Variants in NOS1 observed in about 807,000 individuals in gnomAD.
NOS1 encodes the protein nitric oxide synthase 1.
Under a neutral mutation model 164.5 loss-of-function variants are expected in NOS1, and 51 were observed. The observed-to-expected ratio is 0.31, with a 90% CI of 0.25 to 0.39. NOS1 has a LOEUF of 0.39. Ranked by LOEUF, NOS1 falls within the 10% of genes least tolerant of loss-of-function variation. The pLI, the probability that NOS1 is intolerant of heterozygous loss-of-function variation, is 1.00. For missense variants in NOS1, 1,362 were observed against 1,885.6 expected (o/e 0.72, Z 5.14); for synonymous variants, 719 against 745.8 (o/e 0.96, Z 0.59).
At chr12:117,229,905 T>C (rs1869062660) in intron 22 of NOS1, among the ~76,000 whole-genome samples, 1 of 151,544 alleles carries the variant, frequency 6.6e-6, no homozygotes, top group Non-Finnish European at 1.5e-5. Flanking sequence ...TTTATAGAGA[T>C]GGGGTCTTGC....
intron 7 of NOS1, among the ~76,000 whole-genome samples, chr12:117,283,690 T>C (rs1873870355): frequency 6.6e-6 from 1 of 151,902 alleles, no homozygotes; most frequent in African/African-American, 2.4e-5. Flanking sequence ...ACCCTGTCTC[T>C]ACTAAAAATA....
chr12:117,275,653 G>A (rs1335792392), intron 9 of NOS1, among the ~76,000 whole-genome samples: 1 of 152,096 alleles, frequency 6.6e-6, no homozygotes, highest in East Asian at 1.9e-4. Context: ...GATAGTGAAT[G>A]TTTCCAATAC....
rs768921330 is a variant in NOS1 at position 117,268,016 on chromosome 12, C to T, written c.1941+27G>A. 3.1e-5 allele frequency: 47 copies of T among 1,511,030 alleles called. 1 individual carries two copies. In the South Asian group the frequency reaches 3.9e-4, roughly 12 times the overall value. 93.6% of individuals were successfully genotyped at this position (1,511,030 alleles called of 1,614,324 possible). On this transcript the variant is annotated intron_variant, in intron 11 of 28. Coordinates refer to ENST00000317775, the MANE Select transcript of NOS1 (RefSeq NM_000620.5). ...GTTTGAACTCTCATTTGAAGCTTGA[C>T]CCTGGTGGTGCGGGCCCTGGTGTTA...
rs1875453624 is a variant in NOS1 at position 117,330,114 on chromosome 12, C to T, written c.725+231G>A. Among the ~76,000 whole-genome samples, 1 of 152,182 alleles carries T rather than the reference C, an allele frequency of 6.6e-6. No homozygotes were observed. ...CTGCTACCATGATGATTAATTCGCTCTGGGTTTTGTGACAAGAGAAGCATC... is the reference window on the plus strand; with the variant it reads ...CTGCTACCATGATGATTAATTCGCTTTGGGTTTTGTGACAAGAGAAGCATC... On this transcript the variant is annotated intron_variant, in intron 2 of 28. Coordinates refer to ENST00000317775, the MANE Select transcript of NOS1 (RefSeq NM_000620.5). The surrounding 1 kb of genome is among the most constrained non-coding windows in gnomAD (Gnocchi z 4.6).
intron 13 of NOS1, among the ~76,000 whole-genome samples, chr12:117,262,064 C>T (rs1193126266): frequency 1.3e-5 from 2 of 152,148 alleles, no homozygotes; most frequent in Non-Finnish European, 2.9e-5. Context: ...CTGGGATTAT[C>T]GGCGTTAAGT....
At chr12:117,360,791 A>C (rs1354254105) in intron 1 of NOS1, among the ~76,000 whole-genome samples, 1 of 152,184 alleles carries the variant, frequency 6.6e-6, no homozygotes. Flanking sequence ...GGGCAGGTAC[A>C]ACGGTCCCCA....
chr12:117,308,240 A>T (rs1479742707), intron 3 of NOS1, among the ~76,000 whole-genome samples: 2 of 150,790 alleles, frequency 1.3e-5, no homozygotes, highest in Non-Finnish European at 3.0e-5. Flanking sequence ...GGCTGCAGTG[A>T]CTCACACCTA....
At chr12:117,298,462 C>G (rs966410082) in intron 3 of NOS1, among the ~76,000 whole-genome samples, 114 of 152,242 alleles carry the variant, frequency 7.5e-4, no homozygotes, top group African/African-American at 2.7e-3. Context: ...GTTTGGGGAC[C>G]CCTGTATTAT....
Position 117,220,159 on chromosome 12 carries a change from A to G in NOS1, c.4086T>C (p.Asp1362=). Residue 1362 remains aspartate, a synonymous_variant, in exon 27 of 29, where the codon GAT becomes GAC. Transcript: ENST00000317775. ...TGATGCGCTGGATGGCTTTGAGGACATCAGCAGCCATGGTGACGTCCCCAC... is the reference window on the plus strand; with the variant it reads ...TGATGCGCTGGATGGCTTTGAGGACGTCAGCAGCCATGGTGACGTCCCCAC... ...YVCGDVTMAA[D]VLKAIQRIMT... The G allele has an allele frequency of 6.2e-7, 1 of 1,614,038 alleles. No homozygotes were observed. The highest frequency in any genetic ancestry group is 1.3e-5 in the African/African-American group (1 of 75,048).
At chr12:117,298,494 C>A (rs1873580088) in intron 3 of NOS1, among the ~76,000 whole-genome samples, 1 of 152,164 alleles carries the variant, frequency 6.6e-6, no homozygotes, top group South Asian at 2.1e-4. Context: ...TGTCCTCCCT[C>A]CCCATCCCCA....
chr12:117,212,028 T>C lies in NOS1; in HGVS notation c.*3281A>G, dbSNP rs754483693. On this transcript the variant is annotated 3_prime_UTR_variant, in exon 29 of 29. Transcript: ENST00000317775. ...ATGCAGTGAGCTGAGATCGTACCAC[T>C]GTACGCCAGCCTGGGTGACAGAGCA... 13 of 890,536 alleles carry C rather than the reference T, an allele frequency of 1.5e-5. No homozygotes were observed. Among genetic ancestry groups the C allele is most frequent in the African/African-American group, 1.8e-5 (1 of 55,164 alleles). 55.2% of individuals were successfully genotyped at this position (890,536 alleles called of 1,614,324 possible). A position where few individuals can be genotyped will look rare whatever the true frequency, so the allele number is the denominator to read the frequency against.
chr12:117,246,998 A>G (rs1870665437), intron 18 of NOS1, among the ~76,000 whole-genome samples: 1 of 152,166 alleles, frequency 6.6e-6, no homozygotes, highest in African/African-American at 2.4e-5. Context: ...TAGACTGCCA[A>G]GATGTTAGGT....
Position 117,211,403 on chromosome 12 carries a change from C to G in NOS1, c.*3906G>C. The G allele has an allele frequency of 3.0e-6, 3 of 985,522 alleles. No homozygotes were observed. The highest frequency in any genetic ancestry group is 3.6e-6 in the Non-Finnish European group (3 of 830,016). 61.0% of individuals were successfully genotyped at this position (985,522 alleles called of 1,614,324 possible). ...TTGGTTGCAGCAATAACCCCCCCAACAGCTCAACGGGCCATGCTCTGTACT... is the reference window on the plus strand; with the variant it reads ...TTGGTTGCAGCAATAACCCCCCCAAGAGCTCAACGGGCCATGCTCTGTACT... On this transcript the variant is annotated 3_prime_UTR_variant, in exon 29 of 29. Transcript: ENST00000317775.
Position 117,209,041 on chromosome 12 carries a change from G to A in NOS1, c.*6268C>T, listed in dbSNP as rs1381629210. On this transcript the variant is annotated 3_prime_UTR_variant, in exon 29 of 29. Coordinates refer to ENST00000317775, the MANE Select transcript of NOS1 (RefSeq NM_000620.5). ...CCTGGCCTGGGAGGGGTTTTTGAAA[G>A]CATACTGCCCTCCCCATGCCCCCTC... is the stretch of plus-strand genomic sequence containing the variant. 8 of 985,144 alleles carry A rather than the reference G, an allele frequency of 8.1e-6. No individual in the cohort carries two copies. The highest frequency in any genetic ancestry group is 9.6e-6 in the Non-Finnish European group (8 of 829,914). The allele number at this position is 985,144 out of a possible 1,614,324, so 61.0% of individuals were successfully genotyped here.
intron 16 of NOS1, chr12:117,256,004 T>C (rs1254873591): frequency 1.4e-6 from 2 of 1,468,260 alleles, no homozygotes; most frequent in Non-Finnish European, 9.0e-7. Flanking sequence ...GGGGAGGCCC[T>C]TTACGGGGAA....
At chr12:117,302,985 A>T (rs1427115777) in intron 3 of NOS1, among the ~76,000 whole-genome samples, 1 of 152,108 alleles carries the variant, frequency 6.6e-6, no homozygotes, top group Non-Finnish European at 1.5e-5. Flanking sequence ...ATCTCAAGTG[A>T]TCCACCCTCA....
At position 117,243,857 on chromosome 12, in the gene NOS1, C is replaced by T. The variant is rs762382083; in HGVS notation, c.2824-422G>A. On this transcript the variant is annotated intron_variant, in intron 18 of 28. Coordinates refer to ENST00000317775, the MANE Select transcript of NOS1 (RefSeq NM_000620.5). This position sits in a 1 kb window ranked among gnomAD's most constrained non-coding sequence, Gnocchi z 4.3. ...CTTTCCATGCATCCATCCTTCCATCCATCTACCCACCCACCCACCTATCCA... is the reference window on the plus strand; with the variant it reads ...CTTTCCATGCATCCATCCTTCCATCTATCTACCCACCCACCCACCTATCCA... Among the ~76,000 whole-genome samples the T allele has an allele frequency of 8.5e-5, 13 of 152,060 alleles. No individual in the cohort carries two copies. Among genetic ancestry groups the T allele is most frequent in the Non-Finnish European group, 1.6e-4 (11 of 68,024 alleles).
At chr12:117,298,801 C>T (rs1288546741) in intron 3 of NOS1, among the ~76,000 whole-genome samples, 1 of 152,212 alleles carries the variant, frequency 6.6e-6, no homozygotes, top group Non-Finnish European at 1.5e-5. Flanking sequence ...TTTCTGGCCT[C>T]CAGAACTGTG....
At chr12:117,308,223 T>C (rs1323614880) in intron 3 of NOS1, among the ~76,000 whole-genome samples, 2 of 151,440 alleles carry the variant, frequency 1.3e-5, no homozygotes, top group Non-Finnish European at 2.9e-5. Flanking sequence ...CCCATAAGAA[T>C]ATGGTTGGCT....
Sources: allele counts gnomAD v4.1 joint callset (sites outside exome capture counted in the v4.1 genomes callset), GRCh38; gene constraint gnomAD v4.1.1; non-coding constraint Gnocchi (gnomAD v3.1); transcripts MANE v1.5; gene names NCBI Gene and HGNC (gene_info 2026-07-23, HGNC 2026-07-21).